Variants in SOX5 observed in about 807,000 individuals in gnomAD.
SOX5 encodes the protein transcription factor SOX-5.
SOX5 carries 9 observed loss-of-function variants against 92.0 expected under a neutral mutation model. The ratio of observed to expected loss-of-function variants is 0.10; its 90% CI spans 0.06 to 0.17. SOX5 has a LOEUF of 0.17. Among genes scored for constraint, SOX5 ranks in the 10% least tolerant of loss-of-function variants. SOX5 has a pLI of 1.00. For synonymous variants in SOX5, 344 were observed against 336.3 expected (o/e 1.02, Z -0.25); for missense variants, 642 against 944.5 (o/e 0.68, Z 4.20).
intron 7 of SOX5, among the ~76,000 whole-genome samples, chr12:23,642,390 G>T (rs2080196088): frequency 6.6e-6 from 1 of 152,192 alleles, no homozygotes; most frequent in Non-Finnish European, 1.5e-5. Context: ...CTGCACTGTG[G>T]TTGTCCCAAA....
chr12:24,532,089 G>A (rs779877170), intron 1 of SOX5, among the ~76,000 whole-genome samples: 39 of 152,188 alleles, frequency 2.6e-4, no homozygotes, highest in Admixed American at 4.6e-4. Context: ...TGTTAAAACA[G>A]GAGCCGGGGA....
At chr12:24,460,892 A>G (rs1943550773) in intron 1 of SOX5, 1 of 152,158 alleles carries the variant, frequency 6.6e-6, no homozygotes, top group Non-Finnish European at 1.5e-5. Context: ...TCCCACTTAT[A>G]TGACTGTACC....
intron 6 of SOX5, among the ~76,000 whole-genome samples, chr12:23,670,380 T>C (rs1234468977): frequency 6.6e-6 from 1 of 152,144 alleles, no homozygotes. Context: ...GAGACATTAA[T>C]AGCAGCTGTA....
chr12:24,249,784 C>T (rs1483993095), intron 3 of SOX5, among the ~76,000 whole-genome samples: 1 of 152,166 alleles, frequency 6.6e-6, no homozygotes, highest in Non-Finnish European at 1.5e-5. Context: ...AAGCATGCTG[C>T]CATTAAAATG....
At chr12:24,388,869 G>A (rs1164456468) in intron 1 of SOX5, among the ~76,000 whole-genome samples, 2 of 152,106 alleles carry the variant, frequency 1.3e-5, no homozygotes, top group African/African-American at 2.4e-5. Context: ...CATACAACAC[G>A]TGTTCTCTCT....
At chr12:24,017,465 T>C (rs1237442033) in intron 4 of SOX5, among the ~76,000 whole-genome samples, 3 of 152,054 alleles carry the variant, frequency 2.0e-5, no homozygotes. Flanking sequence ...CAGAGCGTGG[T>C]GGTGCACGCC....
At chr12:23,894,237 T>C (rs1347348811) in intron 2 of SOX5, among the ~76,000 whole-genome samples, 1 of 152,108 alleles carries the variant, frequency 6.6e-6, no homozygotes, top group African/African-American at 2.4e-5. Flanking sequence ...TTATTATTAT[T>C]ATTATTTTTG....
chr12:23,667,861 G>A (rs1393537697), intron 6 of SOX5, among the ~76,000 whole-genome samples: 1 of 152,132 alleles, frequency 6.6e-6, no homozygotes, highest in Non-Finnish European at 1.5e-5. Flanking sequence ...AATCCAAAAT[G>A]TGTGGTTAAT....
chr12:23,534,935 C>T (rs531093729), intron 14 of SOX5, among the ~76,000 whole-genome samples: 30 of 152,150 alleles, frequency 2.0e-4, no homozygotes, highest in Non-Finnish European at 2.9e-5. Context: ...GTCTTGAACT[C>T]CTGACCTCAG....
chr12:24,153,719 T>C (rs1213794258), intron 4 of SOX5, among the ~76,000 whole-genome samples: 1 of 152,110 alleles, frequency 6.6e-6, no homozygotes, highest in African/African-American at 2.4e-5. Context: ...ATCAACACTC[T>C]GCTGTGGAAA....
At chr12:23,603,461 T>TATATAAA in intron 9 of SOX5, among the ~76,000 whole-genome samples, 1 of 145,472 alleles carries the variant, frequency 6.9e-6, no homozygotes, top group East Asian at 2.0e-4. Flanking sequence ...TATATATATA[T>TATATAAA]ATATATTTTG....
At chr12:24,468,975 A>G (rs1283685214) in intron 1 of SOX5, among the ~76,000 whole-genome samples, 1 of 152,216 alleles carries the variant, frequency 6.6e-6, no homozygotes, top group African/African-American at 2.4e-5. Flanking sequence ...GGATGATTCA[A>G]GAGCATTACA....
intron 2 of SOX5, among the ~76,000 whole-genome samples, chr12:24,307,959 G>C (rs1002109162): frequency 3.3e-5 from 5 of 151,904 alleles, no homozygotes; most frequent in African/African-American, 1.2e-4. Context: ...TCACGCAATT[G>C]TTACACTGTC....
intron 2 of SOX5, among the ~76,000 whole-genome samples, chr12:24,289,195 C>A (rs1946289500): frequency 6.6e-6 from 1 of 151,676 alleles, no homozygotes; most frequent in South Asian, 2.1e-4. Context: ...GCAGGAGGAT[C>A]ACTTGAGCCC....
At chr12:23,979,930 CAGACAGAT>C (rs1949394076) in intron 4 of SOX5, among the ~76,000 whole-genome samples, 3 of 137,182 alleles carry the variant, frequency 2.2e-5, no homozygotes, top group South Asian at 4.9e-4. Context: ...GACAGACAGA[CAGACAGAT>C]AGATAGATAG....
chr12:24,227,216 A>T (rs1962249288), intron 3 of SOX5: 1 of 152,250 alleles, frequency 6.6e-6, no homozygotes, highest in South Asian at 2.1e-4. Context: ...AGCCCAGAAA[A>T]ACCTGCCAGC....
chr12:24,154,410 G>A lies in SOX5; in HGVS notation c.-2+58933C>T, dbSNP rs186917220. On this transcript the variant is annotated intron_variant, in intron 4 of 4. Coordinates refer to the SOX5 transcript ENST00000446891. The stretch of plus-strand genomic sequence containing the variant: ...AAGAAGATACATGCGTAATGCAAAG[G>A]CTCAGTAAACAACAAAGAACTGAAG... Among the ~76,000 whole-genome samples the A allele has an allele frequency of 2.3e-4, 35 of 152,208 alleles. No individual in the cohort carries two copies. The East Asian group carries it at 6.2e-3, about 27-fold the overall frequency.
At chr12:23,679,454 T>C (rs11047044) in intron 6 of SOX5, among the ~76,000 whole-genome samples, 44,897 of 152,056 alleles carry the variant, frequency 0.3, 6,865 homozygotes, top group East Asian at 0.52. Flanking sequence ...ATGTATCAGA[T>C]ATAGTTCTAA....
intron 3 of SOX5, among the ~76,000 whole-genome samples, chr12:23,843,777 T>C (rs2096545148): frequency 6.6e-6 from 1 of 152,038 alleles, no homozygotes; most frequent in South Asian, 2.1e-4. Flanking sequence ...TTGGCCAAGC[T>C]GGTCTCAAAC....
Sources: gnomAD v4.1 joint callset for allele counts (sites outside exome capture counted in the v4.1 genomes callset) on GRCh38, gnomAD v4.1.1 for gene constraint, MANE v1.5 for transcripts, NCBI Gene and HGNC (gene_info 2026-07-23, HGNC 2026-07-21) for gene names.